ESRRG: variants seen among roughly 807,000 people sequenced by gnomAD.
ESRRG encodes estrogen-related receptor gamma.
A neutral mutation model predicts 44.0 loss-of-function variants in ESRRG; 13 were observed. The observed-to-expected ratio is 0.30, with a 90% CI of 0.19 to 0.47. The LOEUF (loss-of-function observed/expected upper bound fraction) is 0.47, where lower values mean the gene tolerates loss of function less well. ESRRG is among the 20% of genes least tolerant of loss of function. The pLI is 1.00. For missense variants in ESRRG, 395 were observed against 580.6 expected (o/e 0.68, Z 3.29); for synonymous variants, 215 against 214.6 (o/e 1.00, Z -0.02).
chr1:216,740,567 C>T (rs143707988), intron 2 of ESRRG, among the ~76,000 whole-genome samples: 17 of 151,492 alleles, frequency 1.1e-4, no homozygotes, highest in South Asian at 4.2e-4. Flanking sequence ...CAAGGGGAGG[C>T]CTTTTTTGTT....
chr1:216,755,280 T>C (rs946644039), intron 2 of ESRRG, among the ~76,000 whole-genome samples: 1 of 151,984 alleles, frequency 6.6e-6, no homozygotes, highest in Non-Finnish European at 1.5e-5. Context: ...GGTAGCAAAT[T>C]ACATGATTTG....
At chr1:216,926,797 A>G (rs2818751) in intron 2 of ESRRG, among the ~76,000 whole-genome samples, 147,893 of 152,254 alleles carry the variant, frequency 0.97, 71,841 homozygotes, top group East Asian at 1. Context: ...AAAGCCTGGA[A>G]GATTGAGGTA....
chr1:217,087,625 T>G (rs1169942316), intron 1 of ESRRG, among the ~76,000 whole-genome samples: 4 of 152,162 alleles, frequency 2.6e-5, no homozygotes. Context: ...TTGATGCTAT[T>G]TTGATTTATT....
intron 1 of ESRRG, among the ~76,000 whole-genome samples, chr1:217,110,625 G>A (rs1580602445): frequency 6.6e-6 from 1 of 152,210 alleles, no homozygotes; most frequent in South Asian, 2.1e-4. Context: ...GGTGAAAACA[G>A]GAACAGGCAA....
intron 2 of ESRRG, among the ~76,000 whole-genome samples, chr1:216,763,801 A>G (rs1019057452): frequency 6.6e-6 from 1 of 152,146 alleles, no homozygotes; most frequent in African/African-American, 2.4e-5. Context: ...TAAACTGCTC[A>G]ATGTTTATGA....
In ESRRG at chr1:217,068,057, C is replaced by T. The variant is rs545070040; in HGVS notation, c.-106+21450G>A. On this transcript the variant is annotated intron_variant, in intron 1 of 7. Coordinates refer to the ESRRG transcript ENST00000359162. ...AAGTGGGTAGGACTGCAGACAAACACGGGACCTAAGTTTGCAAGTACAAGG... is the reference window on the plus strand; with the variant it reads ...AAGTGGGTAGGACTGCAGACAAACATGGGACCTAAGTTTGCAAGTACAAGG... Among the ~76,000 whole-genome samples, 37 of 152,236 alleles carry T rather than the reference C, an allele frequency of 2.4e-4. No individual in the cohort carries two copies. The Middle Eastern group carries it at 0.01, about 42-fold the overall frequency.
intron 1 of ESRRG, among the ~76,000 whole-genome samples, chr1:217,011,489 T>G (rs1335761782): frequency 6.6e-6 from 1 of 152,202 alleles, no homozygotes; most frequent in Non-Finnish European, 1.5e-5. Flanking sequence ...AATGGTTGCA[T>G]ACTATCCCGC....
At chr1:216,763,617 A>C (rs911538630) in intron 2 of ESRRG, among the ~76,000 whole-genome samples, 6 of 152,144 alleles carry the variant, frequency 3.9e-5, no homozygotes, top group African/African-American at 1.4e-4. Flanking sequence ...TGATATTGTA[A>C]GGTTAAGTTC....
At chr1:216,644,255 G>A (rs139290896) in intron 3 of ESRRG, among the ~76,000 whole-genome samples, 1 of 152,090 alleles carries the variant, frequency 6.6e-6, no homozygotes, top group East Asian at 1.9e-4. Flanking sequence ...CTCAACCTCT[G>A]CTTTTACTTC....
chr1:216,583,190 T>TG (rs1427486689), intron 3 of ESRRG, among the ~76,000 whole-genome samples: 13 of 152,194 alleles, frequency 8.5e-5, no homozygotes, highest in African/African-American at 2.9e-4. Flanking sequence ...AAACAGGACA[T>TG]GACACATACT....
intron 1 of ESRRG, among the ~76,000 whole-genome samples, chr1:216,951,337 T>C (rs1242116107): frequency 6.6e-6 from 1 of 152,340 alleles, no homozygotes; most frequent in East Asian, 1.9e-4. Context: ...GCAGTGATAC[T>C]AATAAATCAC....
chr1:217,021,987 T>G (rs116375022), intron 1 of ESRRG, among the ~76,000 whole-genome samples: 4 of 152,288 alleles, frequency 2.6e-5, no homozygotes, highest in Non-Finnish European at 5.9e-5. Context: ...CAAAAAGTTG[T>G]TAAGTTTTGC....
chr1:217,098,143 T>C (rs1329737274), intron 1 of ESRRG, among the ~76,000 whole-genome samples: 1 of 152,166 alleles, frequency 6.6e-6, no homozygotes, highest in Non-Finnish European at 1.5e-5. Flanking sequence ...TGTTGGATTC[T>C]TGTCCAGAAC....
intron 3 of ESRRG, among the ~76,000 whole-genome samples, chr1:216,607,029 G>A (rs1206567877): frequency 6.6e-6 from 1 of 152,170 alleles, no homozygotes; most frequent in Non-Finnish European, 1.5e-5. Flanking sequence ...GCTGTTCACA[G>A]GGAACCCTCT....
At chr1:217,133,631 T>TTCTTTCTCTCTCTCTC (rs1491192210) in intron 1 of ESRRG, among the ~76,000 whole-genome samples, 3 of 58,446 alleles carry the variant, frequency 5.1e-5, no homozygotes, top group Non-Finnish European at 1.3e-4. Context: ...CTTTCTTTCT[T>TTCTTTCTCTCTCTCTC]TCTCTCTCTC....
chr1:217,036,575 A>G (rs2082929933), intron 1 of ESRRG, among the ~76,000 whole-genome samples: 1 of 152,178 alleles, frequency 6.6e-6, no homozygotes, highest in African/African-American at 2.4e-5. Context: ...AGAAAAGCAA[A>G]TGCTGCATAC....
At chr1:216,688,207 C>T (rs933941499) in intron 1 of ESRRG, among the ~76,000 whole-genome samples, 2 of 152,126 alleles carry the variant, frequency 1.3e-5, no homozygotes, top group Admixed American at 6.5e-5. Context: ...TGACAAGGTG[C>T]TGTGTAAAAA....
At chr1:216,687,047 C>CTGTG (rs869071444) in intron 1 of ESRRG, among the ~76,000 whole-genome samples, 40 of 31,034 alleles carry the variant, frequency 1.3e-3, no homozygotes, top group East Asian at 0.012. Context: ...GTGTGTGTGT[C>CTGTG]TGTGTGTGTG....
chr1:216,897,495 A>T (rs1469691111), intron 2 of ESRRG, among the ~76,000 whole-genome samples: 2 of 152,176 alleles, frequency 1.3e-5, no homozygotes, highest in African/African-American at 2.4e-5. Context: ...CATATTTTTT[A>T]AAAATGACAA....
Sources: gnomAD v4.1 joint callset for allele counts (sites outside exome capture counted in the v4.1 genomes callset) on GRCh38, gnomAD v4.1.1 for gene constraint, MANE v1.5 for transcripts, NCBI Gene and HGNC (gene_info 2026-07-23, HGNC 2026-07-21) for gene names.